Variants in DPEP1 observed in about 807,000 individuals in gnomAD.
The protein encoded by DPEP1 is beta-lactamase.
Under a neutral mutation model 42.3 loss-of-function variants are expected in DPEP1, and 50 were observed. The observed-to-expected ratio is 1.18, with a 90% confidence interval of 0.94 to 1.50. The LOEUF (loss-of-function observed/expected upper bound fraction) is 1.50, where lower values mean the gene tolerates loss of function less well. Among genes scored for constraint, DPEP1 ranks in the 40% most tolerant of loss-of-function variants. DPEP1 has a pLI of 0.00. For synonymous variants in DPEP1, 297 were observed against 234.0 expected (o/e 1.27, Z -2.46); for missense variants, 663 against 553.0 (o/e 1.20, Z -1.99).
chr16:89,621,810 G>A (rs1027178241), intron 1 of DPEP1, among the ~76,000 whole-genome samples: 12 of 152,210 alleles, frequency 7.9e-5, no homozygotes, highest in African/African-American at 2.2e-4. Flanking sequence ...GTACGCGGAC[G>A]TATCTGACCG....
intron 6 of DPEP1, 29 bp downstream of exon 6, chr16:89,636,964 C>T: frequency 6.2e-7 from 1 of 1,610,536 alleles, no homozygotes; most frequent in East Asian, 2.2e-5. Context: ...GCCAGTCACC[C>T]CCGAGGAGAA....
chr16:89,616,357 G>C (rs1399666128), intron 1 of DPEP1, among the ~76,000 whole-genome samples: 1 of 152,194 alleles, frequency 6.6e-6, no homozygotes, highest in Non-Finnish European at 1.5e-5. Context: ...TCACAGAGCA[G>C]TATGGCCCAG....
chr16:89,623,881 T>C (rs965241532), intron 1 of DPEP1, among the ~76,000 whole-genome samples: 29 of 150,542 alleles, frequency 1.9e-4, no homozygotes, highest in African/African-American at 6.9e-4. Context: ...CTCCAGGGAG[T>C]GAAAAAGCCT....
At chr16:89,615,342 G>A (rs775722139) in intron 1 of DPEP1, among the ~76,000 whole-genome samples, 4 of 152,178 alleles carry the variant, frequency 2.6e-5, no homozygotes, top group Non-Finnish European at 4.4e-5. Flanking sequence ...GGTACAGAGC[G>A]GGCAGGCGGG....
In DPEP1 at chr16:89,624,571, G is replaced by A. The variant is rs143789999; in HGVS notation, c.-106-5734G>A. ...TTGTTTTGAGAGGGAGTCTCACACCGTCGCCCGGGCTGGAGTGCAGTGGCG... is the reference window on the plus strand; with the variant it reads ...TTGTTTTGAGAGGGAGTCTCACACCATCGCCCGGGCTGGAGTGCAGTGGCG... On this transcript the variant is annotated intron_variant, in intron 1 of 10. Coordinates refer to ENST00000690203, the MANE Select transcript of DPEP1 (RefSeq NM_001389466.1). Among the ~76,000 whole-genome samples the A allele has an allele frequency of 6.3e-4, 96 of 151,650 alleles. No homozygotes were observed. In the East Asian group the frequency reaches 0.016, roughly 26 times the overall value.
intron 1 of DPEP1, among the ~76,000 whole-genome samples, chr16:89,614,700 C>T: frequency 6.6e-6 from 1 of 152,194 alleles, no homozygotes; most frequent in Non-Finnish European, 1.5e-5. Flanking sequence ...GAGGCTGAAG[C>T]AGGAGAATGG....
At chr16:89,618,535 C>A (rs1298765039) in intron 1 of DPEP1, among the ~76,000 whole-genome samples, 1 of 152,106 alleles carries the variant, frequency 6.6e-6, no homozygotes, top group Non-Finnish European at 1.5e-5. Flanking sequence ...TTTATTTATG[C>A]ATTTAGTTTT....
At chr16:89,617,342 G>A (rs2151476372) in intron 1 of DPEP1, among the ~76,000 whole-genome samples, 1 of 152,260 alleles carries the variant, frequency 6.6e-6, no homozygotes, top group East Asian at 1.9e-4. Flanking sequence ...GAGGGGAAAA[G>A]CGCTCCTGCC....
At position 89,624,604 on chromosome 16, in the gene DPEP1, G is replaced by A. The variant is rs976026219; in HGVS notation, c.-106-5701G>A. Among the ~76,000 whole-genome samples, 9 of 151,838 alleles carry A rather than the reference G, an allele frequency of 5.9e-5. No individual in the cohort carries two copies. In the Middle Eastern group the frequency reaches 0.01, roughly 172 times the overall value. On this transcript the variant is annotated intron_variant, in intron 1 of 10. Transcript: ENST00000690203. ...GGCTGGAGTGCAGTGGCGCCATCTCGGCTCACTGCAACCTCTGCCTCCCAG... is the reference window on the plus strand; with the variant it reads ...GGCTGGAGTGCAGTGGCGCCATCTCAGCTCACTGCAACCTCTGCCTCCCAG...
intron 1 of DPEP1, among the ~76,000 whole-genome samples, chr16:89,628,252 C>CTTTTTT (rs60909664): frequency 7.9e-5 from 6 of 75,520 alleles, no homozygotes; most frequent in East Asian, 4.7e-4. Context: ...TCTTTCTTTT[C>CTTTTTT]TTTCTTTTTT....
intron 1 of DPEP1, among the ~76,000 whole-genome samples, chr16:89,624,595 C>A (rs747078012): frequency 1.4e-4 from 21 of 151,680 alleles, no homozygotes; most frequent in Admixed American, 3.3e-4. Flanking sequence ...AGTGCAGTGG[C>A]GCCATCTCGG....
Position 89,630,419 on chromosome 16 carries a change from C to T in DPEP1, c.9C>T (p.Ser3=), listed in dbSNP as rs548760657. 3.4e-5 allele frequency: 55 copies of T among 1,610,146 alleles called. No homozygotes were observed. The highest frequency in any genetic ancestry group is 2.9e-4 in the South Asian group (26 of 90,760). ...TCCCCGGGGACCCCACCATGTGGAG[C>T]GGATGGTGGCTGTGGCCCCTTGTGG... is the stretch of plus-strand genomic sequence containing the variant. The part of the protein sequence containing the change: MW[S]GWWLWPLVAV... Residue 3 remains serine, a synonymous_variant, in exon 2 of 11, where the codon AGC becomes AGT. Coordinates refer to ENST00000690203, the MANE Select transcript of DPEP1 (RefSeq NM_001389466.1).
chr16:89,628,113 G>A (rs1404456621), intron 1 of DPEP1, among the ~76,000 whole-genome samples: 3 of 151,870 alleles, frequency 2.0e-5, no homozygotes, highest in African/African-American at 7.3e-5. Context: ...TGGTAGAGAC[G>A]GGGTTTCACC....
chr16:89,634,107 T>TTTTTTTTG, intron 2 of DPEP1, among the ~76,000 whole-genome samples: 1 of 149,484 alleles, frequency 6.7e-6, no homozygotes, highest in Non-Finnish European at 1.5e-5. Context: ...TTTTTTTTTT[T>TTTTTTTTG]GGAGGGAGTC....
At position 89,636,526 on chromosome 16, in the gene DPEP1, C is replaced by T. The variant is rs765066652; in HGVS notation, c.371-7C>T. On this transcript the variant is annotated splice_polypyrimidine_tract_variant and splice_region_variant and intron_variant, in intron 4 of 10. Coordinates refer to ENST00000690203, the MANE Select transcript of DPEP1 (RefSeq NM_001389466.1). Reference sequence around the variant, plus strand: ...CCCACTCCCCTGCACCCTGACTCTCCCCGCAGGCATTCGGCAGGCCTTCCG... The same window carrying T: ...CCCACTCCCCTGCACCCTGACTCTCTCCGCAGGCATTCGGCAGGCCTTCCG... 1.2e-6 allele frequency: 2 copies of T among 1,611,694 alleles called. No homozygotes were observed. The highest frequency in any genetic ancestry group is 8.5e-7 in the Non-Finnish European group (1 of 1,179,472).
At chr16:89,627,457 C>G (rs2059529441) in intron 1 of DPEP1, among the ~76,000 whole-genome samples, 1 of 151,048 alleles carries the variant, frequency 6.6e-6, no homozygotes. Context: ...GTGGTGTGCG[C>G]CTGTAATCCC....
chr16:89,628,304 C>G (rs1361426313), intron 1 of DPEP1, among the ~76,000 whole-genome samples: 3 of 143,644 alleles, frequency 2.1e-5, no homozygotes, highest in African/African-American at 5.2e-5. Flanking sequence ...GTCGCCCAGG[C>G]TGGAGTGCAA....
chr16:89,625,863 A>C (rs1228827689), intron 1 of DPEP1, among the ~76,000 whole-genome samples: 4 of 152,130 alleles, frequency 2.6e-5, no homozygotes, highest in Non-Finnish European at 5.9e-5. Context: ...GAGAAATTGA[A>C]CCAGCTCACC....
intron 1 of DPEP1, among the ~76,000 whole-genome samples, chr16:89,627,247 T>C: frequency 7.8e-6 from 1 of 128,926 alleles, no homozygotes; most frequent in Non-Finnish European, 1.6e-5. Context: ...CACTCCAGCC[T>C]GGGCAATAGA....
Sources: allele counts gnomAD v4.1 joint callset (sites outside exome capture counted in the v4.1 genomes callset), GRCh38; gene constraint gnomAD v4.1.1; transcripts MANE v1.5; gene names NCBI Gene and HGNC (gene_info 2026-07-23, HGNC 2026-07-21).